The following TAF1B variants were observed in gnomAD, a reference collection of about 807,000 sequenced individuals.
TAF1B encodes TATA box-binding protein-associated factor RNA polymerase I subunit B.
In TAF1B, 61 loss-of-function variants were observed where a neutral mutation model predicts 83.9. That is an observed-to-expected ratio of 0.73 (90% CI 0.59 to 0.90). TAF1B has a LOEUF of 0.90. Ranked by LOEUF, TAF1B falls within the 40% of genes least tolerant of loss-of-function variation. The probability of loss-of-function intolerance (pLI) is 0.00; values close to 1 mark genes in which losing one functional copy is unlikely to be tolerated. For missense variants in TAF1B, 625 were observed against 677.0 expected (o/e 0.92, Z 0.85); for synonymous variants, 221 against 224.6 (o/e 0.98, Z 0.14).
chr2:9,868,703 T>C, intron 6 of TAF1B: 1 of 577,938 alleles, frequency 1.7e-6, no homozygotes, highest in South Asian at 1.5e-5. Flanking sequence ...AGGAGGCTGC[T>C]TCAGAAAGAT....
At chr2:9,854,092 A>G (rs747864939) in intron 4 of TAF1B, among the ~76,000 whole-genome samples, 1 of 152,208 alleles carries the variant, frequency 6.6e-6, no homozygotes, top group Non-Finnish European at 1.5e-5. Context: ...CCTGAGAACT[A>G]CTGGTTCAAC....
chr2:9,901,137 C>T (rs140185351), intron 8 of TAF1B, among the ~76,000 whole-genome samples: 1 of 152,036 alleles, frequency 6.6e-6, no homozygotes, highest in Non-Finnish European at 1.5e-5. Flanking sequence ...TGGGAAACAA[C>T]CTAAATGCAT....
chr2:9,865,289 A>G lies in TAF1B; in HGVS notation c.400-2987A>G, dbSNP rs1268357008. ...GCAAAAATCACAAGCATTCTTATAC[A>G]CCAATAACAGACAAACAGAGAGCCA... On this transcript the variant is annotated intron_variant, in intron 5 of 14. Transcript: ENST00000263663. Among the ~76,000 whole-genome samples, 29 of 152,196 alleles carry G rather than the reference A, an allele frequency of 1.9e-4. 1 individual carries two copies. Among genetic ancestry groups the G allele is most frequent in the Non-Finnish European group, 1.8e-4 (12 of 68,026 alleles).
chr2:9,882,667 T>C (rs1348998986), intron 7 of TAF1B, 39 bp from the exon 8 acceptor site: 2 of 1,450,100 alleles, frequency 1.4e-6, no homozygotes, highest in South Asian at 1.2e-5. Flanking sequence ...TATATCAGTA[T>C]ATAACTCTCA....
At chr2:9,883,201 AC>A (rs1664567072) in intron 8 of TAF1B, among the ~76,000 whole-genome samples, 1 of 152,246 alleles carries the variant, frequency 6.6e-6, no homozygotes, top group East Asian at 1.9e-4. Flanking sequence ...TTCTAAAGGT[AC>A]TATTTTAAGT....
intron 6 of TAF1B, among the ~76,000 whole-genome samples, chr2:9,870,823 T>C (rs1664146229): frequency 3.9e-5 from 6 of 152,172 alleles, no homozygotes; most frequent in Admixed American, 3.9e-4. Flanking sequence ...TATAGCTTAC[T>C]ATGATTACTT....
At position 9,851,605 on chromosome 2, in the gene TAF1B, C is replaced by T; in HGVS notation, c.270C>T (p.Ala90=). The T allele has an allele frequency of 6.2e-7, 1 of 1,612,484 alleles. No individual in the cohort carries two copies. Among genetic ancestry groups the T allele is most frequent in the Non-Finnish European group, 8.5e-7 (1 of 1,179,560 alleles). The part of the protein sequence containing the change: ...FQYILYQQAE[A]LKNLGVGPEL... Reference sequence around the variant, plus strand: ...ATATTCTTTATCAACAAGCAGAAGCCTTAAAGAACCTTGGAGTAGGCCCAG... The same window carrying T: ...ATATTCTTTATCAACAAGCAGAAGCTTTAAAGAACCTTGGAGTAGGCCCAG... Residue 90 remains alanine, a synonymous_variant, in exon 4 of 15, where the codon GCC becomes GCT. Transcript: ENST00000263663.
At chr2:9,869,528 A>G (rs1340436345) in intron 6 of TAF1B, among the ~76,000 whole-genome samples, 1 of 151,372 alleles carries the variant, frequency 6.6e-6, no homozygotes, top group Non-Finnish European at 1.5e-5. Flanking sequence ...CGGCCTGCTT[A>G]TTTGTTTTTT....
chr2:9,847,227 A>C (rs1471862089), intron 2 of TAF1B, among the ~76,000 whole-genome samples: 1 of 152,194 alleles, frequency 6.6e-6, no homozygotes, highest in East Asian at 1.9e-4. Flanking sequence ...AGAGTTCATG[A>C]AGGTGGACAA....
rs1380829874 is a variant in TAF1B, at chr2:9,875,891, G to A, written c.580G>A (p.Asp194Asn). The part of the protein sequence containing the change: ...SETSVCSGSL[D>N]GVEYSQRKEK... Reference sequence around the variant, plus strand: ...AACGTCTGTCTGCTCTGGATCTCTGGATGGAGTTGAATACTCACAACGAAA... The same window carrying A: ...AACGTCTGTCTGCTCTGGATCTCTGAATGGAGTTGAATACTCACAACGAAA... Residue 194 changes from aspartate to asparagine, a missense_variant, in exon 7 of 15, where the codon GAT (aspartate) becomes AAT (asparagine). Asp to Asn is a conservative substitution (Grantham distance 23). Coordinates refer to ENST00000263663, the MANE Select transcript of TAF1B (RefSeq NM_005680.3). 1 of 1,608,226 alleles carries A rather than the reference G, an allele frequency of 6.2e-7. No individual in the cohort carries two copies. The highest frequency in any genetic ancestry group is 8.5e-7 in the Non-Finnish European group (1 of 1,175,694).
intron 7 of TAF1B, among the ~76,000 whole-genome samples, chr2:9,878,967 G>A (rs984534494): frequency 5.9e-5 from 9 of 152,166 alleles, no homozygotes; most frequent in Admixed American, 5.9e-4. Flanking sequence ...ATTCGGGAAG[G>A]CCTCACCAAG....
At chr2:9,931,346 C>G (rs1228916383) in intron 14 of TAF1B, among the ~76,000 whole-genome samples, 1 of 152,112 alleles carries the variant, frequency 6.6e-6, no homozygotes, top group Non-Finnish European at 1.5e-5. Context: ...TTCAGGAGCT[C>G]TTGTAAGGCA....
chr2:9,894,760 T>C (rs930434059), intron 8 of TAF1B, among the ~76,000 whole-genome samples: 6 of 151,886 alleles, frequency 4.0e-5, no homozygotes, highest in Non-Finnish European at 8.8e-5. Flanking sequence ...TACACTAGCC[T>C]AAACTAAACC....
chr2:9,902,817 C>A (rs1420130952), intron 8 of TAF1B, among the ~76,000 whole-genome samples: 1 of 152,138 alleles, frequency 6.6e-6, no homozygotes, highest in Admixed American at 6.5e-5. Flanking sequence ...ATAGATACTG[C>A]AAAATGGATT....
chr2:9,845,161 G>A (rs1285163597), intron 1 of TAF1B, 59 bp from the exon 2 acceptor site: 1 of 1,284,782 alleles, frequency 7.8e-7, no homozygotes, highest in African/African-American at 1.5e-5. Flanking sequence ...GCAAGGTTTA[G>A]GTACGATGTA....
At chr2:9,871,957 T>C (rs1664180313) in intron 6 of TAF1B, among the ~76,000 whole-genome samples, 1 of 152,158 alleles carries the variant, frequency 6.6e-6, no homozygotes, top group African/African-American at 2.4e-5. Context: ...GAGACCCTTC[T>C]CTCTGGAGAA....
intron 14 of TAF1B, among the ~76,000 whole-genome samples, chr2:9,928,105 G>A (rs369795996): frequency 4.5e-4 from 68 of 152,214 alleles, no homozygotes; most frequent in African/African-American, 1.3e-3. Context: ...TCCCAACACC[G>A]TTTATTAAAT....
intron 5 of TAF1B, among the ~76,000 whole-genome samples, chr2:9,861,447 G>T (rs1663755345): frequency 6.6e-6 from 1 of 152,348 alleles, no homozygotes; most frequent in South Asian, 2.1e-4. Flanking sequence ...AAAGCTGCTG[G>T]GAAGCTCGAA....
At chr2:9,908,025 ATTCT>A (rs1665400620) in intron 9 of TAF1B, among the ~76,000 whole-genome samples, 1 of 100,934 alleles carries the variant, frequency 9.9e-6, no homozygotes, top group Non-Finnish European at 1.8e-5. Flanking sequence ...CAAGATCTTA[ATTCT>A]TTTTTTTTTT....
Sources: allele counts gnomAD v4.1 joint callset (sites outside exome capture counted in the v4.1 genomes callset), GRCh38; gene constraint gnomAD v4.1.1; transcripts MANE v1.5; gene names NCBI Gene and HGNC (gene_info 2026-07-23, HGNC 2026-07-21).